Variants in SEMA3A observed in about 807,000 individuals in gnomAD.
SEMA3A encodes semaphorin-3A.
Under a neutral mutation model 97.9 loss-of-function variants are expected in SEMA3A, and 29 were observed. The observed-to-expected ratio is 0.30, with a 90% CI of 0.22 to 0.40. The LOEUF (loss-of-function observed/expected upper bound fraction) is 0.40, where lower values mean the gene tolerates loss of function less well. Ranked by LOEUF, SEMA3A falls within the 10% of genes least tolerant of loss-of-function variation. The probability of loss-of-function intolerance (pLI) is 1.00; values close to 1 mark genes in which losing one functional copy is unlikely to be tolerated. For missense variants in SEMA3A, 763 were observed against 951.3 expected, an observed-to-expected ratio of 0.80 and a Z score of 2.60; for synonymous variants, 321 against 323.7, an observed-to-expected ratio of 0.99 and a Z score of 0.09.
chr7:84,442,666 A>C (rs1805301731), intron 1 of SEMA3A, among the ~76,000 whole-genome samples: 1 of 152,144 alleles, frequency 6.6e-6, no homozygotes, highest in Non-Finnish European at 1.5e-5. Flanking sequence ...CAAAATTAAA[A>C]AGATAGCAGA....
At chr7:84,131,312 G>C (rs1055518732) in intron 2 of SEMA3A, among the ~76,000 whole-genome samples, 6 of 151,958 alleles carry the variant, frequency 3.9e-5, no homozygotes, top group Admixed American at 3.9e-4. Flanking sequence ...AACTGTTGGT[G>C]GTTGGAATTC....
At chr7:84,193,982 A>G (rs1798130756) in intron 1 of SEMA3A, among the ~76,000 whole-genome samples, 1 of 152,156 alleles carries the variant, frequency 6.6e-6, no homozygotes, top group African/African-American at 2.4e-5. Flanking sequence ...ACCATGATCT[A>G]CTGCTTATGT....
At chr7:84,433,977 T>C (rs1163128854) in intron 1 of SEMA3A, among the ~76,000 whole-genome samples, 1 of 152,174 alleles carries the variant, frequency 6.6e-6, no homozygotes, top group Non-Finnish European at 1.5e-5. Flanking sequence ...TATTAGCCCT[T>C]TGTCTGATGG....
At chr7:83,988,475 A>G (rs1463174517) in intron 12 of SEMA3A, among the ~76,000 whole-genome samples, 1 of 151,928 alleles carries the variant, frequency 6.6e-6, no homozygotes. Context: ...GTGATCCGCC[A>G]CCTCAGCCTC....
rs1178927049 is a variant in SEMA3A, at chr7:84,313,350, GTGTGTGTA to G, written c.-168-6066_-168-6059del. Among the ~76,000 whole-genome samples the G allele has an allele frequency of 7.1e-3, 273 of 38,672 alleles. 11 individuals carry two copies. The highest frequency in any genetic ancestry group is 0.023 in the African/African-American group (258 of 11,038). The allele number at this position is 38,672 out of a possible 152,430, so 25.4% of individuals were successfully genotyped here. A position where few individuals can be genotyped will look rare whatever the true frequency, so the allele number is the denominator to read the frequency against. On this transcript the variant is annotated intron_variant, in intron 2 of 3. Coordinates refer to the SEMA3A transcript ENST00000424555. The stretch of plus-strand genomic sequence containing the variant: ...AATACATATATATATATGTATATGT[GTGTGTGTA>G]TATATATATATATATATATATATAT...
chr7:84,452,518 C>T (rs1046499720), intron 1 of SEMA3A, among the ~76,000 whole-genome samples: 1 of 152,156 alleles, frequency 6.6e-6, no homozygotes, highest in African/African-American at 2.4e-5. Flanking sequence ...TATATGGTGG[C>T]ATGATCGATA....
At chr7:84,317,831 C>G (rs2115895092) in intron 2 of SEMA3A, among the ~76,000 whole-genome samples, 1 of 152,064 alleles carries the variant, frequency 6.6e-6, no homozygotes, top group South Asian at 2.1e-4. Flanking sequence ...AAATGCAAAA[C>G]AGTATTAAAA....
intron 4 of SEMA3A, among the ~76,000 whole-genome samples, chr7:84,084,565 G>A (rs558380409): frequency 6.6e-6 from 1 of 151,862 alleles, no homozygotes. Context: ...CATTTACAAT[G>A]TAATCTGGTC....
intron 3 of SEMA3A, among the ~76,000 whole-genome samples, chr7:84,305,026 G>A (rs1472951367): frequency 6.6e-6 from 1 of 151,900 alleles, no homozygotes; most frequent in Non-Finnish European, 1.5e-5. Flanking sequence ...GTTGAGGGAA[G>A]AGTCAACAAT....
chr7:84,064,081 C>A (rs1326516945), intron 4 of SEMA3A, among the ~76,000 whole-genome samples: 2 of 152,280 alleles, frequency 1.3e-5, no homozygotes, highest in African/African-American at 4.8e-5. Flanking sequence ...TCAGCAGAAA[C>A]CCTACAAGCC....
chr7:84,403,088 C>T (rs553526727), intron 1 of SEMA3A, among the ~76,000 whole-genome samples: 13 of 152,102 alleles, frequency 8.5e-5, no homozygotes, highest in Non-Finnish European at 1.6e-4. Context: ...TGAGCCAAAG[C>T]AGGATGAGGC....
At chr7:84,225,774 T>C (rs970083615) in intron 3 of SEMA3A, among the ~76,000 whole-genome samples, 1 of 151,990 alleles carries the variant, frequency 6.6e-6, no homozygotes, top group African/African-American at 2.4e-5. Flanking sequence ...GATGTGGACA[T>C]AATGGTATAA....
chr7:83,978,059 T>A (rs1789237931), intron 14 of SEMA3A, among the ~76,000 whole-genome samples: 1 of 152,120 alleles, frequency 6.6e-6, no homozygotes, highest in Admixed American at 6.6e-5. Context: ...CTCCTCGGCC[T>A]CCCAAAGTGC....
intron 3 of SEMA3A, among the ~76,000 whole-genome samples, chr7:84,228,092 G>A (rs986187853): frequency 7.9e-5 from 12 of 152,040 alleles, no homozygotes; most frequent in African/African-American, 2.9e-4. Context: ...TTGGCTGGGT[G>A]CAGAGATGTG....
Position 84,111,308 on chromosome 7 carries a change from T to C in SEMA3A, c.334-719A>G, listed in dbSNP as rs75256098. 3.7e-3 allele frequency among the ~76,000 whole-genome samples: 560 copies of C among 152,300 alleles called. 9 individuals carry two copies. Among genetic ancestry groups the C allele is most frequent in the Admixed American group, 0.022 (335 of 15,290 alleles). On this transcript the variant is annotated intron_variant, in intron 3 of 16. Transcript: ENST00000265362. ...AGGACTGGGTTGTTCCTGGCACTTC[T>C]AAGTGTGTCACACTCCCAAAGTCAT...
intron 1 of SEMA3A, among the ~76,000 whole-genome samples, chr7:84,484,472 T>A (rs556401988): frequency 1.2e-4 from 19 of 152,050 alleles, no homozygotes; most frequent in Non-Finnish European, 2.2e-4. Context: ...AACCTATCAC[T>A]GTGGAGTATC....
chr7:84,088,280 C>A (rs572934643), intron 4 of SEMA3A, among the ~76,000 whole-genome samples: 1 of 152,044 alleles, frequency 6.6e-6, no homozygotes, highest in East Asian at 1.9e-4. Flanking sequence ...ACGGTGAAAC[C>A]CCGTCTCTAC....
intron 1 of SEMA3A, among the ~76,000 whole-genome samples, chr7:84,169,886 A>G (rs1278580392): frequency 6.6e-6 from 1 of 151,900 alleles, no homozygotes; most frequent in Non-Finnish European, 1.5e-5. Context: ...TTTAGCAGAA[A>G]GGATATTACT....
At chr7:84,392,146 T>C (rs1803597264) in intron 1 of SEMA3A, among the ~76,000 whole-genome samples, 1 of 152,096 alleles carries the variant, frequency 6.6e-6, no homozygotes, top group South Asian at 2.1e-4. Flanking sequence ...AAATGTACAA[T>C]ATTAAGTTAT....
Sources: gnomAD v4.1 joint callset for allele counts (sites outside exome capture counted in the v4.1 genomes callset) on GRCh38, gnomAD v4.1.1 for gene constraint, MANE v1.5 for transcripts, NCBI Gene and HGNC (gene_info 2026-07-23, HGNC 2026-07-21) for gene names.